The following TMEM40 variants were observed in gnomAD, a reference collection of about 807,000 sequenced individuals.
The protein encoded by TMEM40 is transmembrane protein 40.
TMEM40 carries 34 observed loss-of-function variants against 40.8 expected under a neutral mutation model. The observed-to-expected ratio is 0.83, with a 90% CI of 0.63 to 1.11. The LOEUF (loss-of-function observed/expected upper bound fraction) is 1.11. Among genes scored for constraint, TMEM40 ranks in the 50% least tolerant of loss-of-function variants. The pLI, the probability that TMEM40 is intolerant of heterozygous loss-of-function variation, is 0.00. For missense variants in TMEM40, 296 were observed against 280.2 expected (o/e 1.06, Z -0.40); for synonymous variants, 106 against 107.0 (o/e 0.99, Z 0.06).
intron 1 of TMEM40, among the ~76,000 whole-genome samples, chr3:12,767,920 T>G (rs1322209925): frequency 6.6e-6 from 1 of 152,102 alleles, no homozygotes; most frequent in Non-Finnish European, 1.5e-5. Flanking sequence ...TGTGGAAGTG[T>G]CATAGTTACG....
intron 5 of TMEM40, among the ~76,000 whole-genome samples, chr3:12,742,021 GGAGACC>G (rs1444327637): frequency 2.6e-5 from 4 of 152,168 alleles, no homozygotes; most frequent in Non-Finnish European, 5.9e-5. Context: ...CAGGAGGTCA[GGAGACC>G]GAGACCATCC....
chr3:12,762,946 T>C (rs1281210200), upstream of TMEM40, among the ~76,000 whole-genome samples: 1 of 151,900 alleles, frequency 6.6e-6, no homozygotes, highest in African/African-American at 2.4e-5. Flanking sequence ...GATCACGAGG[T>C]CAGGAGATGG....
chr3:12,755,229 C>CTTTCTTTCTT lies in TMEM40; in HGVS notation c.-9+3961_-9+3962insAAGAAAGAAA, dbSNP rs1373028614. On this transcript the variant is annotated intron_variant, in intron 1 of 11. Coordinates refer to ENST00000314124, the MANE Select transcript of TMEM40 (RefSeq NM_018306.4). ...TTTCTTTCTTTCTCTCTCTCTCTCTCTCTCTCTTTCTTTCTTTCTTTCTTT... is the reference window on the plus strand; with the variant it reads ...TTTCTTTCTTTCTCTCTCTCTCTCTCTTTCTTTCTTTCTCTCTTTCTTTCTTTCTTTCTTT... Among the ~76,000 whole-genome samples, 451 of 65,456 alleles carry CTTTCTTTCTT rather than the reference C, an allele frequency of 6.9e-3. 3 individuals are homozygous for CTTTCTTTCTT. Among genetic ancestry groups the CTTTCTTTCTT allele is most frequent in the African/African-American group, 0.028 (427 of 15,426 alleles). The allele number at this position is 65,456 out of a possible 152,430, so 42.9% of individuals were successfully genotyped here. A position where few individuals can be genotyped will look rare whatever the true frequency, so the allele number is the denominator to read the frequency against.
intron 5 of TMEM40, 43 bp from the exon 6 acceptor site, chr3:12,738,631 T>TG (rs35030157): frequency 3.2e-4 from 503 of 1,591,794 alleles, no homozygotes; most frequent in Middle Eastern, 5.0e-4. Flanking sequence ...CATGATCCTC[T>TG]GGGGGGGGAG....
intron 1 of TMEM40, among the ~76,000 whole-genome samples, chr3:12,765,204 A>T (rs1362378545): frequency 6.6e-6 from 1 of 152,244 alleles, no homozygotes; most frequent in Non-Finnish European, 1.5e-5. Flanking sequence ...AGGAAAAGTC[A>T]ATCCTAGCTC....
In TMEM40 at chr3:12,743,830, C is replaced by A. The variant is rs145864335; in HGVS notation, c.301+70G>T. On this transcript the variant is annotated intron_variant, in intron 4 of 11. Transcript: ENST00000314124. ...AAACAATGCTGTGAAGAACATCACA[C>A]TTCAGTCCCACGGAGAAACTCAACG... 3.2e-5 allele frequency: 47 copies of A among 1,455,034 alleles called. No homozygotes were observed. In the East Asian group the frequency reaches 1.0e-3, roughly 31 times the overall value. 90.1% of individuals were successfully genotyped at this position (1,455,034 alleles called of 1,614,324 possible). A position where few individuals can be genotyped will look rare whatever the true frequency, so the allele number is the denominator to read the frequency against.
chr3:12,743,336 G>A (rs560436338), intron 4 of TMEM40, among the ~76,000 whole-genome samples: 2 of 152,030 alleles, frequency 1.3e-5, no homozygotes, highest in South Asian at 2.1e-4. Flanking sequence ...GCATGGTGGC[G>A]CATGCCTGTA....
At chr3:12,738,098 A>G (rs756173653) in intron 7 of TMEM40, 38 bp downstream of exon 7, 10 of 1,611,984 alleles carry the variant, frequency 6.2e-6, no homozygotes, top group Non-Finnish European at 8.5e-6. Flanking sequence ...TGGAATCCAC[A>G]CCCGCTCTGG....
exon 1 of TMEM40, chr3:12,769,273 G>A (rs1404208860): frequency 1.2e-5 from 5 of 412,402 alleles, no homozygotes; most frequent in East Asian, 8.4e-5. Flanking sequence ...TGAGGGAGCC[G>A]GCTCCGGCCT....
intron 1 of TMEM40, among the ~76,000 whole-genome samples, chr3:12,757,318 A>C (rs2061536694): frequency 6.6e-6 from 1 of 151,926 alleles, no homozygotes; most frequent in South Asian, 2.1e-4. Context: ...AAAAATACAA[A>C]ATTAGCTGGG....
intron 1 of TMEM40, among the ~76,000 whole-genome samples, chr3:12,755,222 TC>T (rs2061513603): frequency 2.3e-5 from 2 of 85,688 alleles, no homozygotes; most frequent in African/African-American, 7.3e-5. Context: ...TTTCTCTCTC[TC>T]TCTCTCTCTC....
chr3:12,740,673 C>G (rs1398505290), intron 5 of TMEM40, among the ~76,000 whole-genome samples: 1 of 151,794 alleles, frequency 6.6e-6, no homozygotes, highest in Non-Finnish European at 1.5e-5. Flanking sequence ...GCTTGGGCCA[C>G]AGGGTAAAAC....
chr3:12,762,714 T>TC (rs2061577799), upstream of TMEM40, among the ~76,000 whole-genome samples: 1 of 152,114 alleles, frequency 6.6e-6, no homozygotes, highest in South Asian at 2.1e-4. Context: ...CAAAATATAG[T>TC]CCCCGGACCA....
intron 5 of TMEM40, among the ~76,000 whole-genome samples, chr3:12,741,765 A>G (rs1205257065): frequency 2.2e-5 from 2 of 92,016 alleles, no homozygotes; most frequent in Non-Finnish European, 4.2e-5. Flanking sequence ...TTGTTTTTGT[A>G]ACAAAAAAAA....
rs2061324793 is a variant in TMEM40 at position 12,734,613 on chromosome 3, T to C, written c.*161A>G. On this transcript the variant is annotated 3_prime_UTR_variant, in exon 12 of 12. Coordinates refer to ENST00000314124, the MANE Select transcript of TMEM40 (RefSeq NM_018306.4). Reference sequence around the variant, plus strand: ...CCAAATGAGATGCCCCTGCCCGGGCTGGTGCCAACATTCAGACCACATGGA... The same window carrying C: ...CCAAATGAGATGCCCCTGCCCGGGCCGGTGCCAACATTCAGACCACATGGA... 2 of 804,432 alleles carry C rather than the reference T, an allele frequency of 2.5e-6. No individual in the cohort carries two copies. The highest frequency in any genetic ancestry group is 4.6e-5 in the Admixed American group (2 of 43,202). 49.8% of individuals were successfully genotyped at this position (804,432 alleles called of 1,614,324 possible).
chr3:12,753,992 T>C (rs1388799025), intron 1 of TMEM40, among the ~76,000 whole-genome samples: 2 of 152,074 alleles, frequency 1.3e-5, no homozygotes, highest in Non-Finnish European at 2.9e-5. Flanking sequence ...AGACTGGAGA[T>C]TACTGTCGTA....
chr3:12,766,620 T>C (rs998403271), intron 1 of TMEM40, among the ~76,000 whole-genome samples: 2 of 151,772 alleles, frequency 1.3e-5, no homozygotes, highest in Admixed American at 6.6e-5. Context: ...GGATTATTTA[T>C]ATATAGCAGA....
Position 12,735,582 on chromosome 3 carries a change from G to A in TMEM40, c.655C>T (p.Pro219Ser), listed in dbSNP as rs763000143. Reference protein sequence around the residue: ...RIHSVLQGFIPLFQKFRLTGF... With the variant: ...RIHSVLQGFISLFQKFRLTGF... ...GTCAGCCTAAACTTCTGGAAGAGGG[G>A]GATGAAGCCTTGGAGGACGCTGTGG... The change falls in exon 11 of 12, where the codon CCC (proline) becomes TCC (serine). Residue 219 changes from proline (P) to serine (S), a missense_variant. Transcript: ENST00000314124. 21 of 1,613,486 alleles carry A rather than the reference G, an allele frequency of 1.3e-5. No homozygotes were observed. The highest frequency in any genetic ancestry group is 1.8e-5 in the Non-Finnish European group (21 of 1,179,894).
chr3:12,740,564 G>T (rs1575732480), intron 5 of TMEM40, among the ~76,000 whole-genome samples: 1 of 133,654 alleles, frequency 7.5e-6, no homozygotes, highest in African/African-American at 3.1e-5. Flanking sequence ...AAAAAAAAAA[G>T]CTTTCTGTGT....
Sources: gnomAD v4.1 joint callset for allele counts (sites outside exome capture counted in the v4.1 genomes callset) on GRCh38, gnomAD v4.1.1 for gene constraint, MANE v1.5 for transcripts, NCBI Gene and HGNC (gene_info 2026-07-23, HGNC 2026-07-21) for gene names.